The following PLD1 variants were observed in gnomAD, a reference collection of about 807,000 sequenced individuals.
PLD1 encodes the protein phospholipase D1, also known as choline phosphatase 1.
In PLD1, 112 loss-of-function variants were observed where a neutral mutation model predicts 137.1. The ratio of observed to expected loss-of-function variants is 0.82; its 90% CI spans 0.70 to 0.96. The LOEUF (loss-of-function observed/expected upper bound fraction) is 0.96, where lower values mean the gene tolerates loss of function less well. Among genes scored for constraint, PLD1 ranks in the 40% least tolerant of loss-of-function variants. PLD1 has a pLI of 0.00. For missense variants in PLD1, 1,321 were observed against 1,342.0 expected (o/e 0.98, Z 0.24); for synonymous variants, 431 against 454.7 (o/e 0.95, Z 0.66).
At chr3:171,680,237 TTCC>T (rs1244936375) in intron 16 of PLD1, among the ~76,000 whole-genome samples, 4 of 146,294 alleles carry the variant, frequency 2.7e-5, no homozygotes, top group Non-Finnish European at 4.5e-5. Context: ...TTTCTTTTTC[TTCC>T]TCTTTTTTTT....
At chr3:171,611,586 T>A (rs1182373700) in intron 25 of PLD1, 2 of 518,782 alleles carry the variant, frequency 3.9e-6, no homozygotes, top group Non-Finnish European at 7.7e-6. Context: ...AAAATTTGCA[T>A]CTTCTTGCCA....
At chr3:171,712,834 T>C (rs1717377404) in intron 9 of PLD1, among the ~76,000 whole-genome samples, 1 of 152,168 alleles carries the variant, frequency 6.6e-6, no homozygotes, top group Admixed American at 6.5e-5. Flanking sequence ...GAAGGTGTAA[T>C]GGCAGCACCA....
At chr3:171,692,014 G>A (rs922354592) in intron 13 of PLD1, among the ~76,000 whole-genome samples, 2 of 152,160 alleles carry the variant, frequency 1.3e-5, no homozygotes, top group African/African-American at 4.8e-5. Flanking sequence ...ACATCTAAGA[G>A]GTTCCAGGAT....
chr3:171,741,007 TC>T (rs1269061785), intron 1 of PLD1, among the ~76,000 whole-genome samples: 1 of 152,190 alleles, frequency 6.6e-6, no homozygotes, highest in Non-Finnish European at 1.5e-5. Context: ...TGTCTATAAA[TC>T]TAAATTCATC....
chr3:171,801,146 G>C (rs563873070), intron 1 of PLD1, among the ~76,000 whole-genome samples: 106 of 152,358 alleles, frequency 7.0e-4, no homozygotes, highest in African/African-American at 2.3e-3. Context: ...GACTGCATTA[G>C]ACTATAAGCT....
intron 16 of PLD1, among the ~76,000 whole-genome samples, chr3:171,678,673 C>A (rs1036235287): frequency 6.6e-6 from 1 of 152,254 alleles, no homozygotes; most frequent in Admixed American, 6.5e-5. Flanking sequence ...TGTCCCAGAA[C>A]TGTCTTTGTA....
At chr3:171,605,224 T>C (rs1418519418) in intron 26 of PLD1, 75 bp downstream of exon 26, 3 of 880,480 alleles carry the variant, frequency 3.4e-6, no homozygotes, top group Admixed American at 1.7e-5. Context: ...ACCAATAATA[T>C]GCAGAAATAA....
chr3:171,646,187 C>T (rs932047475), intron 21 of PLD1, among the ~76,000 whole-genome samples: 2 of 152,104 alleles, frequency 1.3e-5, no homozygotes, highest in Non-Finnish European at 2.9e-5. Context: ...GAAAAAGCCT[C>T]GAAAGGAATG....
At chr3:171,747,989 AATAG>A (rs1418889539) in intron 1 of PLD1, among the ~76,000 whole-genome samples, 2 of 152,236 alleles carry the variant, frequency 1.3e-5, no homozygotes, top group Non-Finnish European at 2.9e-5. Flanking sequence ...AGGACTTTAC[AATAG>A]ATAGATTAAA....
At chr3:171,764,887 G>GA (rs1174163137) in intron 1 of PLD1, among the ~76,000 whole-genome samples, 1 of 22,416 alleles carries the variant, frequency 4.5e-5, no homozygotes, top group African/African-American at 1.8e-4. Context: ...AAGAAAGAAA[G>GA]AAAGAAAGGA....
At chr3:171,797,890 C>T (rs893499416) in intron 1 of PLD1, among the ~76,000 whole-genome samples, 1 of 151,968 alleles carries the variant, frequency 6.6e-6, no homozygotes, top group Non-Finnish European at 1.5e-5. Flanking sequence ...CTTATTACTC[C>T]CTAAGTGCCA....
chr3:171,786,300 T>G (rs1414433795), intron 1 of PLD1, among the ~76,000 whole-genome samples: 1 of 152,200 alleles, frequency 6.6e-6, no homozygotes, highest in Non-Finnish European at 1.5e-5. Context: ...TAGGATTCAT[T>G]TATCCCTGGC....
At position 171,645,042 on chromosome 3, in the gene PLD1, G is replaced by C. The variant is rs1226660587; in HGVS notation, c.2430-19C>G. 6.7e-7 allele frequency: 1 copy of C among 1,499,132 alleles called. No individual in the cohort carries two copies. Among genetic ancestry groups the C allele is most frequent in the African/African-American group, 1.4e-5 (1 of 72,610 alleles). 92.9% of individuals were successfully genotyped at this position (1,499,132 alleles called of 1,614,324 possible). ...GTTTTCCCTGCAAAGGTCAGATGCAGAGAAATTCACCCAAAAAATAAAAGG... is the reference window on the plus strand; with the variant it reads ...GTTTTCCCTGCAAAGGTCAGATGCACAGAAATTCACCCAAAAAATAAAAGG... On this transcript the variant is annotated intron_variant, in intron 21 of 26. Transcript: ENST00000351298.
intron 16 of PLD1, among the ~76,000 whole-genome samples, chr3:171,678,259 A>T (rs1357342420): frequency 6.6e-5 from 10 of 152,234 alleles, no homozygotes; most frequent in African/African-American, 2.4e-4. Flanking sequence ...GCTAAGTGAC[A>T]CTGAGCTTCA....
intron 11 of PLD1, among the ~76,000 whole-genome samples, chr3:171,704,922 G>A (rs553154185): frequency 5.3e-5 from 8 of 152,240 alleles, no homozygotes; most frequent in South Asian, 2.1e-4. Context: ...CATAAGGAGC[G>A]GGCAGCCTAG....
At chr3:171,702,999 C>T (rs1260281726) in intron 11 of PLD1, among the ~76,000 whole-genome samples, 1 of 152,028 alleles carries the variant, frequency 6.6e-6, no homozygotes, top group Non-Finnish European at 1.5e-5. Context: ...AAAAATAATA[C>T]TACATCATGA....
chr3:171,737,764 T>A lies in PLD1; in HGVS notation c.161-105A>T. 6.2e-6 allele frequency: 8 copies of A among 1,297,304 alleles called. No homozygotes were observed. In the African/African-American group the frequency reaches 8.9e-5, roughly 14 times the overall value. The allele number at this position is 1,297,304 out of a possible 1,614,324, so 80.4% of individuals were successfully genotyped here. On this transcript the variant is annotated intron_variant, in intron 2 of 26. Coordinates refer to ENST00000351298, the MANE Select transcript of PLD1 (RefSeq NM_002662.5). ...CGTGTTAAAACAAGTAAGCCTCTTA[T>A]AAAATGATCTGAGCCCGGTGTTACA...
At position 171,687,674 on chromosome 3, in the gene PLD1, T is replaced by C; in HGVS notation, c.1540-90A>G. Reference sequence around the variant, plus strand: ...TCAAGTAGAGCTGAAGTATAAAGTTTACAAATGATGGAGGTTCTATAACAG... The same window carrying C: ...TCAAGTAGAGCTGAAGTATAAAGTTCACAAATGATGGAGGTTCTATAACAG... On this transcript the variant is annotated intron_variant, in intron 14 of 26. Coordinates refer to ENST00000351298, the MANE Select transcript of PLD1 (RefSeq NM_002662.5). 8.8e-6 allele frequency: 7 copies of C among 798,170 alleles called. No homozygotes were observed. The South Asian group carries it at 1.0e-4, about 12-fold the overall frequency. The allele number at this position is 798,170 out of a possible 1,614,324, so 49.4% of individuals were successfully genotyped here. A position where few individuals can be genotyped will look rare whatever the true frequency, so the allele number is the denominator to read the frequency against.
chr3:171,684,987 T>G (rs1443824977), intron 16 of PLD1, among the ~76,000 whole-genome samples: 2 of 152,252 alleles, frequency 1.3e-5, no homozygotes, highest in Admixed American at 1.3e-4. Flanking sequence ...TGTAGTTGAT[T>G]ATTGCATTTT....
Sources: gnomAD v4.1 joint callset for allele counts (sites outside exome capture counted in the v4.1 genomes callset) on GRCh38, gnomAD v4.1.1 for gene constraint, MANE v1.5 for transcripts, NCBI Gene and HGNC (gene_info 2026-07-23, HGNC 2026-07-21) for gene names.